The following BBS4 variants were observed in gnomAD, a reference collection of about 807,000 sequenced individuals.
BBS4 encodes the protein BBSome complex member BBS4.
BBS4 carries 58 observed loss-of-function variants against 71.4 expected under a neutral mutation model. The ratio of observed to expected loss-of-function variants is 0.81; its 90% CI spans 0.66 to 1.01. The LOEUF (loss-of-function observed/expected upper bound fraction) is 1.01. Among genes scored for constraint, BBS4 ranks in the 50% least tolerant of loss-of-function variants. The pLI is 0.00. For missense variants in BBS4, 660 were observed against 607.9 expected (o/e 1.09, Z -0.90); for synonymous variants, 228 against 216.8 (o/e 1.05, Z -0.46).
chr15:72,708,875 A>G (rs1475235733), intron 2 of BBS4, among the ~76,000 whole-genome samples: 1 of 152,086 alleles, frequency 6.6e-6, no homozygotes, highest in East Asian at 1.9e-4. Flanking sequence ...CACCCTGGTA[A>G]ATTTGAGGTC....
rs759723555 is a variant in BBS4, at chr15:72,731,565, G to T, written c.875G>T (p.Cys292Phe). ...GKKKYVAAIS[C>F]LKRANYLAPF... is the part of the protein sequence containing the mutation. ...CCTTCTCTCTCATAGGCCATCAGCT[G>T]CCTGAAACGAGCCAACTACTTGGCA... Residue 292 changes from cysteine to phenylalanine, a missense_variant, in exon 12 of 16, where the codon TGC becomes TTC. Transcript: ENST00000268057. 1 of 1,614,170 alleles carries T rather than the reference G, an allele frequency of 6.2e-7. No homozygotes were observed. The highest frequency in any genetic ancestry group is 8.5e-7 in the Non-Finnish European group (1 of 1,180,036).
At chr15:72,735,000 G>A in intron 12 of BBS4, 113 bp from the exon 13 acceptor site, 1 of 762,486 alleles carries the variant, frequency 1.3e-6, no homozygotes, top group South Asian at 1.4e-5. Flanking sequence ...AGCTGACTTA[G>A]TAAACTCTGG....
chr15:72,735,732 C>T (rs1595952875), intron 13 of BBS4, 93 bp from the exon 14 acceptor site: 17 of 1,499,294 alleles, frequency 1.1e-5, no homozygotes, highest in Middle Eastern at 3.5e-4. Context: ...CTCTACTTAA[C>T]CAGTTTTGTT....
intron 6 of BBS4, among the ~76,000 whole-genome samples, chr15:72,720,778 C>T (rs2065557522): frequency 6.6e-6 from 1 of 152,162 alleles, no homozygotes; most frequent in East Asian, 1.9e-4. Context: ...TGATCTTTTC[C>T]ACTGTACCAA....
chr15:72,721,036 T>C (rs2065564294), intron 6 of BBS4, among the ~76,000 whole-genome samples: 1 of 152,236 alleles, frequency 6.6e-6, no homozygotes, highest in Admixed American at 6.5e-5. Flanking sequence ...AAAGGCTTTA[T>C]TTCTGCCTTG....
chr15:72,696,865 A>G (rs1313586461), intron 2 of BBS4, among the ~76,000 whole-genome samples: 1 of 152,064 alleles, frequency 6.6e-6, no homozygotes, highest in Non-Finnish European at 1.5e-5. Flanking sequence ...TACTGGCATT[A>G]CAGGCATGAG....
chr15:72,696,614 T>TGA (rs1402453388), intron 2 of BBS4, among the ~76,000 whole-genome samples: 1 of 152,226 alleles, frequency 6.6e-6, no homozygotes, highest in African/African-American at 2.4e-5. Flanking sequence ...ATTATTATTT[T>TGA]GAGAGAGAGG....
chr15:72,730,927 C>T (rs1057151110), intron 10 of BBS4, among the ~76,000 whole-genome samples: 1 of 152,072 alleles, frequency 6.6e-6, no homozygotes, highest in African/African-American at 2.4e-5. Flanking sequence ...GTATCTAGAA[C>T]ACTTGGTATA....
intron 8 of BBS4, among the ~76,000 whole-genome samples, chr15:72,726,098 TCTTC>T (rs1480175805): frequency 2.1e-5 from 3 of 145,800 alleles, no homozygotes; most frequent in Non-Finnish European, 4.6e-5. Context: ...TTTCTTCCTT[TCTTC>T]CTTCCTTTCT....
intron 10 of BBS4, among the ~76,000 whole-genome samples, chr15:72,731,065 CTTTTTTTTTTT>C (rs35004414): frequency 3.3e-4 from 26 of 77,640 alleles, no homozygotes; most frequent in African/African-American, 9.1e-4. Flanking sequence ...AACATTTTAT[CTTTTTTTTTTT>C]TTTTTTTTTT....
intron 2 of BBS4, among the ~76,000 whole-genome samples, chr15:72,709,292 C>T (rs1293866209): frequency 6.6e-6 from 1 of 152,174 alleles, no homozygotes; most frequent in East Asian, 1.9e-4. Context: ...TAGAAAGAAC[C>T]TACATTGAAA....
intron 8 of BBS4, among the ~76,000 whole-genome samples, chr15:72,726,023 CTTTT>C (rs1330354418): frequency 7.1e-6 from 1 of 140,076 alleles, no homozygotes; most frequent in Non-Finnish European, 1.5e-5. Context: ...CCCTTCCTTC[CTTTT>C]TCTCTCTTTT....
Position 72,737,611 on chromosome 15 carries a change from T to C in BBS4, c.*24T>C, listed in dbSNP as rs1221098133. The C allele has an allele frequency of 6.4e-7, 1 of 1,552,474 alleles. No homozygotes were observed. Among genetic ancestry groups the C allele is most frequent in the Admixed American group, 1.8e-5 (1 of 55,214 alleles). On this transcript the variant is annotated 3_prime_UTR_variant, in exon 16 of 16. Transcript: ENST00000268057. ...AAGAATAGAATGAATGACCCCAAAA[T>C]AGGGTTTTCTTGGGCGAGGATGTGC...
chr15:72,727,863 G>C, intron 8 of BBS4, 77 bp from the exon 9 acceptor site: 1 of 1,091,788 alleles, frequency 9.2e-7, no homozygotes, highest in Non-Finnish European at 1.4e-6. Context: ...AGTATTGCAC[G>C]AGGGCATATT....
intron 6 of BBS4, among the ~76,000 whole-genome samples, chr15:72,719,751 T>C (rs1358576955): frequency 2.7e-5 from 1 of 36,988 alleles, no homozygotes; most frequent in Non-Finnish European, 9.3e-5. Context: ...CAGCCATTCT[T>C]TTTTTTTTTT....
intron 15 of BBS4, 38 bp downstream of exon 15, chr15:72,737,001 A>G (rs2065939165): frequency 6.2e-7 from 1 of 1,600,428 alleles, no homozygotes; most frequent in South Asian, 1.1e-5. Flanking sequence ...CCTGGCAGGT[A>G]CAAGCCACAT....
At chr15:72,710,267 C>A (rs1289007352) in intron 3 of BBS4, among the ~76,000 whole-genome samples, 1 of 119,968 alleles carries the variant, frequency 8.3e-6, no homozygotes, top group African/African-American at 3.2e-5. Context: ...GTGGCATGAT[C>A]TTGGCTCATT....
At position 72,734,972 on chromosome 15, in the gene BBS4, G is replaced by A. The variant is rs1022341376; in HGVS notation, c.1037-141G>A. 7.2e-6 allele frequency: 5 copies of A among 689,688 alleles called. No homozygotes were observed. In the African/African-American group the frequency reaches 8.8e-5, roughly 12 times the overall value. 42.7% of individuals were successfully genotyped at this position (689,688 alleles called of 1,614,324 possible). On this transcript the variant is annotated intron_variant, in intron 12 of 15. Transcript: ENST00000268057. The stretch of plus-strand genomic sequence containing the variant: ...ATTGACTGTAGAAGAGATGGTTGAA[G>A]ATAGCACCAGGTATCTAAGCTGACT...
intron 9 of BBS4, 25 bp downstream of exon 9, chr15:72,728,019 A>G (rs1199931491): frequency 2.6e-6 from 4 of 1,554,524 alleles, no homozygotes; most frequent in African/African-American, 1.4e-5. Flanking sequence ...GTACTCATTC[A>G]TGCACTGATG....
Sources: allele counts gnomAD v4.1 joint callset (sites outside exome capture counted in the v4.1 genomes callset), GRCh38; gene constraint gnomAD v4.1.1; transcripts MANE v1.5; gene names NCBI Gene and HGNC (gene_info 2026-07-23, HGNC 2026-07-21).